Variants in TMEM132C observed in about 807,000 individuals in gnomAD.
TMEM132C encodes the protein protein phosphatase 1, regulatory subunit 152.
A neutral mutation model predicts 61.4 loss-of-function variants in TMEM132C; 29 were observed. That is an observed-to-expected ratio of 0.47 (90% CI 0.35 to 0.64). The LOEUF (loss-of-function observed/expected upper bound fraction) is 0.64, where lower values mean the gene tolerates loss of function less well. TMEM132C is among the 30% of genes least tolerant of loss of function. TMEM132C has a pLI of 0.00. For synonymous variants in TMEM132C, 656 were observed against 633.1 expected, an observed-to-expected ratio of 1.04 and a Z score of -0.54; for missense variants, 1,408 against 1,476.9, an observed-to-expected ratio of 0.95 and a Z score of 0.76.
chr12:128,295,296 CAA>C (rs1218290896), intron 1 of TMEM132C, among the ~76,000 whole-genome samples: 1 of 152,142 alleles, frequency 6.6e-6, no homozygotes, highest in African/African-American at 2.4e-5. Context: ...CTCAGTCTCC[CAA>C]AGTTATGGGA....
rs1272732289 is a variant in TMEM132C at position 128,584,629 on chromosome 12, G to A, written c.1122-31523G>A. On this transcript the variant is annotated intron_variant, in intron 3 of 8. Coordinates refer to ENST00000435159, the MANE Select transcript of TMEM132C (RefSeq NM_001136103.3). Reference sequence around the variant, plus strand: ...AGTTTTTCACTGCCGTCTTTCTGCTGCTCTTCACATGTGCATGATTTTGGT... The same window carrying A: ...AGTTTTTCACTGCCGTCTTTCTGCTACTCTTCACATGTGCATGATTTTGGT... 3.9e-5 allele frequency among the ~76,000 whole-genome samples: 6 copies of A among 152,324 alleles called. No homozygotes were observed. In the East Asian group the frequency reaches 1.2e-3, roughly 29 times the overall value.
At chr12:128,636,054 C>T (rs977360902) in intron 4 of TMEM132C, among the ~76,000 whole-genome samples, 3 of 152,102 alleles carry the variant, frequency 2.0e-5, no homozygotes, top group Non-Finnish European at 4.4e-5. Flanking sequence ...TTCTTCTCAT[C>T]CACATATTTT....
rs73159869 is a variant in TMEM132C at position 128,453,503 on chromosome 12, G to A, written c.974+37883G>A. Among the ~76,000 whole-genome samples the A allele has an allele frequency of 2.2e-3, 335 of 152,258 alleles. 2 individuals are homozygous for A. The highest frequency in any genetic ancestry group is 0.014 in the Middle Eastern group (4 of 294). ...CGCACGGTGTTCCAGGAGAACAAAT[G>A]TAGACACTGCTGGGCTCAAAGAGTC... On this transcript the variant is annotated intron_variant, in intron 2 of 8. Transcript: ENST00000435159.
intron 3 of TMEM132C, among the ~76,000 whole-genome samples, chr12:128,604,358 G>A (rs1456508927): frequency 6.6e-6 from 1 of 151,254 alleles, no homozygotes; most frequent in Non-Finnish European, 1.5e-5. Context: ...ATAGATAGAT[G>A]GATAATAGAG....
intron 2 of TMEM132C, among the ~76,000 whole-genome samples, chr12:128,479,433 G>A (rs1025108777): frequency 7.9e-5 from 12 of 152,208 alleles, no homozygotes; most frequent in Admixed American, 1.3e-4. Flanking sequence ...AGCTGCTTTC[G>A]CACAGCCAGG....
intron 4 of TMEM132C, among the ~76,000 whole-genome samples, chr12:128,661,618 G>A (rs924363963): frequency 1.3e-5 from 2 of 150,894 alleles, no homozygotes; most frequent in Admixed American, 1.3e-4. Flanking sequence ...TATTTGCAAA[G>A]GCAAAGAATT....
At chr12:128,365,678 T>C (rs551739351) in intron 1 of TMEM132C, among the ~76,000 whole-genome samples, 44 of 152,324 alleles carry the variant, frequency 2.9e-4, no homozygotes, top group Non-Finnish European at 4.4e-5. Context: ...GTGATTTCCA[T>C]TGAGCTCTCA....
At chr12:128,581,031 C>G (rs1338631704) in intron 3 of TMEM132C, among the ~76,000 whole-genome samples, 1 of 152,216 alleles carries the variant, frequency 6.6e-6, no homozygotes, top group East Asian at 1.9e-4. Context: ...CACTAGTTTA[C>G]AACACCAAAC....
At chr12:128,269,388 T>C (rs975259555) in intron 1 of TMEM132C, among the ~76,000 whole-genome samples, 2 of 80,326 alleles carry the variant, frequency 2.5e-5, no homozygotes, top group East Asian at 8.6e-4. Context: ...ATCCAGAGGA[T>C]TTTACTTTTG....
At chr12:128,646,227 G>A (rs1367730719) in intron 4 of TMEM132C, among the ~76,000 whole-genome samples, 1 of 151,406 alleles carries the variant, frequency 6.6e-6, no homozygotes, top group Non-Finnish European at 1.5e-5. Flanking sequence ...TGTGTTTACT[G>A]GAGTCCGTCA....
At chr12:128,547,565 C>CA (rs34135152) in intron 3 of TMEM132C, among the ~76,000 whole-genome samples, 16,294 of 67,454 alleles carry the variant, frequency 0.24, 1,638 homozygotes, top group East Asian at 0.48. Context: ...CTCTGTCTCA[C>CA]AAAAAAAAAA....
chr12:128,543,664 A>C (rs550012438), intron 2 of TMEM132C, among the ~76,000 whole-genome samples: 1 of 152,126 alleles, frequency 6.6e-6, no homozygotes, highest in Non-Finnish European at 1.5e-5. Flanking sequence ...AGGCAGGCTG[A>C]GTGCATGCCT....
intron 1 of TMEM132C, among the ~76,000 whole-genome samples, chr12:128,280,409 A>T (rs1870853083): frequency 6.6e-6 from 1 of 152,202 alleles, no homozygotes; most frequent in Non-Finnish European, 1.5e-5. Context: ...CTTGTAGACA[A>T]GAGATTCTCA....
intron 5 of TMEM132C, among the ~76,000 whole-genome samples, chr12:128,673,749 C>T (rs1289167903): frequency 6.6e-6 from 1 of 152,250 alleles, no homozygotes; most frequent in East Asian, 1.9e-4. Flanking sequence ...AGCGTTCCCT[C>T]CAGTACTCAG....
At chr12:128,358,654 A>T (rs1454114126) in intron 1 of TMEM132C, among the ~76,000 whole-genome samples, 1 of 152,026 alleles carries the variant, frequency 6.6e-6, no homozygotes, top group Non-Finnish European at 1.5e-5. Flanking sequence ...CCCTGGTAAG[A>T]GCGTATGCCT....
chr12:128,644,856 G>A (rs1425741392), intron 4 of TMEM132C, among the ~76,000 whole-genome samples: 3 of 152,158 alleles, frequency 2.0e-5, no homozygotes, highest in African/African-American at 7.2e-5. Context: ...AGAAAAGTCC[G>A]CGACAGGTAA....
chr12:128,423,978 C>T (rs542258969), intron 2 of TMEM132C, among the ~76,000 whole-genome samples: 72 of 133,068 alleles, frequency 5.4e-4, no homozygotes, highest in Admixed American at 1.3e-3. Context: ...ACCCAGGAGG[C>T]GGAGCTTGCA....
intron 1 of TMEM132C, among the ~76,000 whole-genome samples, chr12:128,268,884 A>AG (rs1455960628): frequency 4.8e-4 from 51 of 106,858 alleles, no homozygotes; most frequent in African/African-American, 1.9e-3. Context: ...GTGGGGTGAG[A>AG]GAGGGGGGGG....
At chr12:128,546,422 G>T (rs1350111627) in intron 3 of TMEM132C, among the ~76,000 whole-genome samples, 1 of 152,196 alleles carries the variant, frequency 6.6e-6, no homozygotes, top group Non-Finnish European at 1.5e-5. Flanking sequence ...GAGAAGCAGA[G>T]CGAGGGAGAT....
Sources: gnomAD v4.1 joint callset for allele counts (sites outside exome capture counted in the v4.1 genomes callset) on GRCh38, gnomAD v4.1.1 for gene constraint, MANE v1.5 for transcripts, NCBI Gene and HGNC (gene_info 2026-07-23, HGNC 2026-07-21) for gene names.